Variants in POLR2B observed in about 807,000 individuals in gnomAD.
The protein encoded by POLR2B is RNA polymerase II subunit B.
Under a neutral mutation model 144.6 loss-of-function variants are expected in POLR2B, and 57 were observed. The observed-to-expected ratio is 0.39, with a 90% CI of 0.32 to 0.49. The LOEUF (loss-of-function observed/expected upper bound fraction) is 0.49. Among genes scored for constraint, POLR2B ranks in the 20% least tolerant of loss-of-function variants. POLR2B has a pLI of 0.83. For synonymous variants in POLR2B, 442 were observed against 469.8 expected (o/e 0.94, Z 0.77); for missense variants, 595 against 1,467.4 (o/e 0.41, Z 9.71).
chr4:57,010,584 T>A, intron 11 of POLR2B, 80 bp downstream of exon 11: 1 of 1,447,792 alleles, frequency 6.9e-7, no homozygotes, highest in Non-Finnish European at 9.4e-7. Context: ...GAAATAGATG[T>A]TTGAAAAATT....
chr4:57,029,420 T>C (rs917751845), intron 23 of POLR2B, among the ~76,000 whole-genome samples: 2 of 152,248 alleles, frequency 1.3e-5, no homozygotes, highest in African/African-American at 2.4e-5. Context: ...AATAGTGAGC[T>C]GGTTGTCTAA....
intron 23 of POLR2B, among the ~76,000 whole-genome samples, chr4:57,028,444 AT>A (rs1009550976): frequency 6.6e-6 from 1 of 152,106 alleles, no homozygotes; most frequent in Non-Finnish European, 1.5e-5. Flanking sequence ...GAGGACTTTC[AT>A]TTTTTTAAAA....
chr4:57,027,113 A>G (rs1358087385), intron 23 of POLR2B, among the ~76,000 whole-genome samples: 1 of 152,060 alleles, frequency 6.6e-6, no homozygotes, highest in African/African-American at 2.4e-5. Flanking sequence ...GATTCAAGCA[A>G]TTCTCGTGCC....
At chr4:57,030,754 A>G (rs1205917062) in intron 24 of POLR2B, 145 bp from the exon 25 acceptor site, 1 of 608,816 alleles carries the variant, frequency 1.6e-6, no homozygotes, top group South Asian at 2.1e-5. Context: ...AAGAACCACC[A>G]TAAGCTGAGG....
intron 23 of POLR2B, among the ~76,000 whole-genome samples, chr4:57,028,963 A>G (rs1388382001): frequency 6.6e-6 from 1 of 152,186 alleles, no homozygotes; most frequent in African/African-American, 2.4e-5. Flanking sequence ...TTGCCTTCCA[A>G]CCTTTTTTTT....
At position 57,023,433 on chromosome 4, in the gene POLR2B, G is replaced by T; in HGVS notation, c.2619G>T (p.Leu873Phe). 2 of 1,614,098 alleles carry T rather than the reference G, an allele frequency of 1.2e-6. No homozygotes were observed. Among genetic ancestry groups the T allele is most frequent in the East Asian group, 4.5e-5 (2 of 44,874 alleles). ...DDVIIGKTVT[L>F]PENEDELEST... is the part of the protein sequence containing the mutation. Reference sequence around the variant, plus strand: ...TTATTATAGGCAAAACAGTCACCTTGCCTGAAAATGAAGATGAATTGGAGA... The same window carrying T: ...TTATTATAGGCAAAACAGTCACCTTTCCTGAAAATGAAGATGAATTGGAGA... The change falls in exon 19 of 25, where the codon TTG becomes TTT. Residue 873 changes from leucine to phenylalanine, a missense_variant. By Grantham distance (22) the Leu-to-Phe change is conservative. Transcript: ENST00000314595. This position sits in a 1 kb window ranked among gnomAD's most constrained non-coding sequence, Gnocchi z 4.3.
Position 57,023,448 on chromosome 4 carries a change from T to C in POLR2B, c.2634T>C (p.Asp878=). ...GKTVTLPENE[D]ELESTNRRYT... is the part of the protein sequence containing the mutation. ...CAGTCACCTTGCCTGAAAATGAAGA[T>C]GAATTGGAGAGCACCAATAGACGCT... The change falls in exon 19 of 25, where the codon GAT becomes GAC. Residue 878 remains aspartate, a synonymous_variant. Transcript: ENST00000314595. This position sits in a 1 kb window ranked among gnomAD's most constrained non-coding sequence, Gnocchi z 4.3. 6.2e-7 allele frequency: 1 copy of C among 1,614,098 alleles called. No homozygotes were observed. The highest frequency in any genetic ancestry group is 8.5e-7 in the Non-Finnish European group (1 of 1,180,000).
intron 1 of POLR2B, among the ~76,000 whole-genome samples, chr4:56,981,938 A>G (rs919663365): frequency 6.6e-6 from 1 of 152,222 alleles, no homozygotes; most frequent in African/African-American, 2.4e-5. Flanking sequence ...GTGGTCTTCA[A>G]AACTGTTGAT....
chr4:56,984,860 A>G, intron 1 of POLR2B, among the ~76,000 whole-genome samples: 1 of 148,348 alleles, frequency 6.7e-6, no homozygotes, highest in Admixed American at 6.8e-5. Flanking sequence ...GGACCAGTGC[A>G]CACTGATTTT....
chr4:57,018,299 G>A (rs1328768452), intron 16 of POLR2B, among the ~76,000 whole-genome samples: 1 of 152,220 alleles, frequency 6.6e-6, no homozygotes, highest in African/African-American at 2.4e-5. Flanking sequence ...ATCAGGTACT[G>A]TATTAACAGG....
intron 13 of POLR2B, among the ~76,000 whole-genome samples, chr4:57,015,070 C>T (rs765806061): frequency 2.7e-5 from 4 of 146,166 alleles, no homozygotes; most frequent in South Asian, 2.2e-4. Flanking sequence ...GTCAGGCTTA[C>T]GTCTGATAGG....
chr4:56,983,133 A>G (rs903356451), intron 1 of POLR2B, among the ~76,000 whole-genome samples: 30 of 152,136 alleles, frequency 2.0e-4, no homozygotes, highest in Non-Finnish European at 3.8e-4. Flanking sequence ...CAACCCTGCT[A>G]AACTCATATC....
intron 21 of POLR2B, 104 bp downstream of exon 21, chr4:57,024,216 T>A: frequency 1.7e-6 from 1 of 600,400 alleles, no homozygotes; most frequent in Admixed American, 3.5e-5. Context: ...TGTAAAAAGC[T>A]AGTGTGAGAC....
chr4:56,992,725 A>G (rs1278275551), intron 3 of POLR2B, among the ~76,000 whole-genome samples: 1 of 150,562 alleles, frequency 6.6e-6, no homozygotes, highest in Admixed American at 6.6e-5. Flanking sequence ...ACGCCCGGCT[A>G]TTATTTTTTT....
Position 57,031,108 on chromosome 4 carries a change from G to A in POLR2B, c.*120G>A. Reference sequence around the variant, plus strand: ...ATAAAAAGTATTTTATTTGTTTAATGATATGCATGCTTTTCTTCTGTAAAT... The same window carrying A: ...ATAAAAAGTATTTTATTTGTTTAATAATATGCATGCTTTTCTTCTGTAAAT... On this transcript the variant is annotated 3_prime_UTR_variant, in exon 25 of 25. Coordinates refer to ENST00000314595, the MANE Select transcript of POLR2B (RefSeq NM_000938.3). 1.4e-6 allele frequency: 1 copy of A among 737,204 alleles called. No individual in the cohort carries two copies. The highest frequency in any genetic ancestry group is 2.3e-6 in the Non-Finnish European group (1 of 426,384). 45.7% of individuals were successfully genotyped at this position (737,204 alleles called of 1,614,324 possible). A position where few individuals can be genotyped will look rare whatever the true frequency, so the allele number is the denominator to read the frequency against.
chr4:56,988,698 A>G (rs1027802110), intron 2 of POLR2B, among the ~76,000 whole-genome samples: 2 of 152,222 alleles, frequency 1.3e-5, no homozygotes, highest in African/African-American at 2.4e-5. Context: ...AACACAAAAA[A>G]TAAAACAAAT....
At chr4:56,990,604 G>A (rs1722483727) in intron 2 of POLR2B, 144 bp from the exon 3 acceptor site, 1 of 643,574 alleles carries the variant, frequency 1.6e-6, no homozygotes, top group Admixed American at 2.9e-5. Flanking sequence ...ATACCTCATA[G>A]TGTCTTGTTT....
intron 1 of POLR2B, among the ~76,000 whole-genome samples, chr4:56,979,896 CAAAA>C (rs61576956): frequency 2.2e-5 from 3 of 137,156 alleles, no homozygotes; most frequent in Non-Finnish European, 3.1e-5. Context: ...TAGACTGTCT[CAAAA>C]AAAAAAAAAA....
Position 57,007,112 on chromosome 4 carries a change from G to C in POLR2B, c.1404+110G>C. 3 of 813,016 alleles carry C rather than the reference G, an allele frequency of 3.7e-6. No homozygotes were observed. In the South Asian group the frequency reaches 5.6e-5, roughly 15 times the overall value. The allele number at this position is 813,016 out of a possible 1,614,324, so 50.4% of individuals were successfully genotyped here. A position where few individuals can be genotyped will look rare whatever the true frequency, so the allele number is the denominator to read the frequency against. On this transcript the variant is annotated intron_variant, in intron 10 of 24. Coordinates refer to ENST00000314595, the MANE Select transcript of POLR2B (RefSeq NM_000938.3). ...ATTTTGCTTTTCTTTCTTGGTCAAA[G>C]GTAAAACTACTGGGTGCCGGGTGTG...
Sources: gnomAD v4.1 joint callset for allele counts (sites outside exome capture counted in the v4.1 genomes callset) on GRCh38, gnomAD v4.1.1 for gene constraint, Gnocchi (gnomAD v3.1) non-coding constraint, MANE v1.5 for transcripts, NCBI Gene and HGNC (gene_info 2026-07-23, HGNC 2026-07-21) for gene names.